Variants in FRMD5 observed in about 807,000 individuals in gnomAD.
FRMD5 encodes the protein FERM domain-containing protein 5.
A neutral mutation model predicts 69.0 loss-of-function variants in FRMD5; 20 were observed. The ratio of observed to expected loss-of-function variants is 0.29; its 90% CI spans 0.20 to 0.42. The LOEUF is 0.42. FRMD5 is among the 10% of genes least tolerant of loss of function. The pLI is 1.00. For missense variants in FRMD5, 595 were observed against 708.6 expected (o/e 0.84, Z 1.82); for synonymous variants, 271 against 260.1 (o/e 1.04, Z -0.40).
At chr15:43,890,056 T>C (rs1487775487) in intron 8 of FRMD5, among the ~76,000 whole-genome samples, 1 of 152,146 alleles carries the variant, frequency 6.6e-6, no homozygotes, top group Non-Finnish European at 1.5e-5. Context: ...ATTTCACAAC[T>C]TCTGACCACC....
chr15:44,179,470 T>G (rs763542441), intron 1 of FRMD5, among the ~76,000 whole-genome samples: 2 of 152,234 alleles, frequency 1.3e-5, no homozygotes, highest in Non-Finnish European at 2.9e-5. Flanking sequence ...TTGGTTAGCA[T>G]GAATCAATTC....
At chr15:44,032,516 C>A (rs931403307) in intron 1 of FRMD5, among the ~76,000 whole-genome samples, 1 of 151,998 alleles carries the variant, frequency 6.6e-6, no homozygotes. Flanking sequence ...AAAAAACAAA[C>A]AACCCCATTA....
chr15:44,122,206 T>G (rs2076962592), intron 1 of FRMD5, among the ~76,000 whole-genome samples: 1 of 152,058 alleles, frequency 6.6e-6, no homozygotes, highest in South Asian at 2.1e-4. Flanking sequence ...AGACAAACTG[T>G]TAATGGTAAA....
At chr15:44,037,693 C>T (rs1891983680) in intron 1 of FRMD5, among the ~76,000 whole-genome samples, 1 of 151,172 alleles carries the variant, frequency 6.6e-6, no homozygotes, top group Admixed American at 6.6e-5. Context: ...AGGAAATGGT[C>T]TTGATCTCTT....
At chr15:43,912,898 G>T (rs1016635122) in intron 4 of FRMD5, among the ~76,000 whole-genome samples, 7 of 151,618 alleles carry the variant, frequency 4.6e-5, no homozygotes, top group African/African-American at 1.5e-4. Flanking sequence ...AGGCATGGTG[G>T]TGTCGGCGTG....
intron 4 of FRMD5, among the ~76,000 whole-genome samples, chr15:43,912,076 C>A (rs1445517821): frequency 2.0e-5 from 3 of 152,100 alleles, no homozygotes; most frequent in Non-Finnish European, 4.4e-5. Flanking sequence ...ATAGGCCCAT[C>A]CTACACTTCC....
At chr15:43,892,099 G>A (rs373083882) in intron 7 of FRMD5, 30 bp from the exon 8 acceptor site, 59 of 1,597,304 alleles carry the variant, frequency 3.7e-5, no homozygotes, top group Middle Eastern at 1.7e-4. Flanking sequence ...CTCATCGGGT[G>A]ATGCAGGCAC....
intron 1 of FRMD5, among the ~76,000 whole-genome samples, chr15:44,108,443 G>A (rs564023039): frequency 2.0e-5 from 3 of 152,076 alleles, no homozygotes; most frequent in African/African-American, 2.4e-5. Context: ...TCTGGAGTTC[G>A]AGACCAGCCT....
chr15:44,116,148 GAAT>G (rs2076864940), intron 1 of FRMD5, among the ~76,000 whole-genome samples: 3 of 151,286 alleles, frequency 2.0e-5, no homozygotes, highest in Non-Finnish European at 4.4e-5. Flanking sequence ...AGGGGAGATG[GAAT>G]AATGTTTCAG....
chr15:43,882,250 C>T (rs1198992469), intron 13 of FRMD5, among the ~76,000 whole-genome samples: 1 of 152,178 alleles, frequency 6.6e-6, no homozygotes, highest in East Asian at 1.9e-4. Flanking sequence ...CGTAGAATTT[C>T]TCTCTCTTCC....
At chr15:43,969,628 C>T (rs2090346096) in intron 1 of FRMD5, among the ~76,000 whole-genome samples, 1 of 152,146 alleles carries the variant, frequency 6.6e-6, no homozygotes, top group Non-Finnish European at 1.5e-5. Context: ...TTGTCACATA[C>T]ACTCAAAAAG....
chr15:43,922,686 T>A (rs941977500), intron 2 of FRMD5, among the ~76,000 whole-genome samples: 11 of 150,406 alleles, frequency 7.3e-5, no homozygotes, highest in African/African-American at 2.4e-4. Flanking sequence ...TTTTTTTTTT[T>A]AAAGACAAGA....
chr15:43,893,458 G>A (rs1376657443), intron 7 of FRMD5, among the ~76,000 whole-genome samples: 1 of 152,156 alleles, frequency 6.6e-6, no homozygotes, highest in Non-Finnish European at 1.5e-5. Context: ...AGCTCCCTGA[G>A]GTCTAGGCTG....
chr15:44,120,641 G>A (rs2076935643), intron 1 of FRMD5, among the ~76,000 whole-genome samples: 1 of 149,650 alleles, frequency 6.7e-6, no homozygotes, highest in Non-Finnish European at 1.5e-5. Flanking sequence ...TCCTGCCTCA[G>A]CCTGCCAAAC....
At chr15:44,023,660 C>A (rs1241844270) in intron 1 of FRMD5, among the ~76,000 whole-genome samples, 2 of 152,178 alleles carry the variant, frequency 1.3e-5, no homozygotes, top group African/African-American at 4.8e-5. Flanking sequence ...CACATTCCCA[C>A]CAGTGATCCT....
intron 1 of FRMD5, among the ~76,000 whole-genome samples, chr15:43,981,687 T>C (rs571469303): frequency 3.9e-5 from 6 of 152,384 alleles, no homozygotes; most frequent in Admixed American, 1.3e-4. Flanking sequence ...AAAAGCATTC[T>C]TGAATAATTA....
chr15:44,091,064 G>A (rs1187616499), intron 1 of FRMD5, among the ~76,000 whole-genome samples: 1 of 152,092 alleles, frequency 6.6e-6, no homozygotes, highest in East Asian at 1.9e-4. Context: ...CAAGTACCAA[G>A]CATTTGAGAT....
At chr15:44,178,755 G>A (rs541356338) in intron 1 of FRMD5, among the ~76,000 whole-genome samples, 2 of 152,288 alleles carry the variant, frequency 1.3e-5, no homozygotes, top group African/African-American at 4.8e-5. Context: ...AGCACTGGGA[G>A]GCCAAGGCGG....
At chr15:43,912,863 C>CA (rs566290726) in intron 4 of FRMD5, among the ~76,000 whole-genome samples, 2,563 of 99,566 alleles carry the variant, frequency 0.026, 43 homozygotes, top group Non-Finnish European at 0.033. Context: ...ACTAAAAATA[C>CA]AAAAAAAAAA....
Sources: allele counts gnomAD v4.1 joint callset (sites outside exome capture counted in the v4.1 genomes callset), GRCh38; gene constraint gnomAD v4.1.1; transcripts MANE v1.5; gene names NCBI Gene and HGNC (gene_info 2026-07-23, HGNC 2026-07-21).